The following DOT1L variants were observed in gnomAD, a reference collection of about 807,000 sequenced individuals.
The protein encoded by DOT1L is histone-lysine N-methyltransferase, H3 lysine-79 specific.
Under a neutral mutation model 153.3 loss-of-function variants are expected in DOT1L, and 33 were observed. The observed-to-expected ratio is 0.22, with a 90% CI of 0.16 to 0.29. The LOEUF (loss-of-function observed/expected upper bound fraction) is 0.29. DOT1L is among the 10% of genes least tolerant of loss of function. The probability of loss-of-function intolerance (pLI) is 1.00; values close to 1 mark genes in which losing one functional copy is unlikely to be tolerated. For synonymous variants in DOT1L, 1,135 were observed against 965.1 expected, an observed-to-expected ratio of 1.18 and a Z score of -3.26; for missense variants, 1,847 against 2,119.9, an observed-to-expected ratio of 0.87 and a Z score of 2.53.
At chr19:2,181,588 G>T (rs1445505724) in intron 2 of DOT1L, among the ~76,000 whole-genome samples, 2 of 150,596 alleles carry the variant, frequency 1.3e-5, no homozygotes, top group African/African-American at 4.9e-5. Context: ...GCCAGGGTGG[G>T]CCTGACCCAG....
At chr19:2,169,708 A>G (rs534066832) in intron 1 of DOT1L, among the ~76,000 whole-genome samples, 3 of 152,280 alleles carry the variant, frequency 2.0e-5, no homozygotes, top group Non-Finnish European at 2.9e-5. Context: ...ATCAGAGTGT[A>G]TATTTGGGGT....
At chr19:2,171,684 A>C (rs988860370) in intron 1 of DOT1L, among the ~76,000 whole-genome samples, 1 of 152,066 alleles carries the variant, frequency 6.6e-6, no homozygotes. Flanking sequence ...TTATTTCCTG[A>C]GTGCTTCCTG....
Position 2,217,971 on chromosome 19 carries a change from C to G in DOT1L, c.2691+53C>G, listed in dbSNP as rs78213793. The G allele has an allele frequency of 6.3e-7, 1 of 1,583,936 alleles. No homozygotes were observed. The highest frequency in any genetic ancestry group is 8.6e-7 in the Non-Finnish European group (1 of 1,166,838). ...AAGGGCCACGTTGAGGCAAAACAGT[C>G]TGGGGTGCTCGAGACCTGGCTCACT... is the stretch of plus-strand genomic sequence containing the variant. On this transcript the variant is annotated intron_variant, in intron 22 of 27. Transcript: ENST00000398665. The surrounding 1 kb of genome is among the most constrained non-coding windows in gnomAD (Gnocchi z 7.3).
rs1310597924 is a variant in DOT1L, at chr19:2,177,290, G to A, written c.82-3423G>A. On this transcript the variant is annotated intron_variant, in intron 1 of 27. Coordinates refer to ENST00000398665, the MANE Select transcript of DOT1L (RefSeq NM_032482.3). ...CGCCCCACACACGCAGTCAAATCAC[G>A]CAGGAACAATTTTTTTTTTTTGGGA... 5.9e-5 allele frequency among the ~76,000 whole-genome samples: 9 copies of A among 152,180 alleles called. No homozygotes were observed. In the East Asian group the frequency reaches 9.7e-4, roughly 16 times the overall value.
chr19:2,165,482 C>T (rs1285226701), intron 1 of DOT1L, among the ~76,000 whole-genome samples: 1 of 152,218 alleles, frequency 6.6e-6, no homozygotes, highest in Non-Finnish European at 1.5e-5. Context: ...TCTGGCTTCT[C>T]TGGTTGGGCA....
intron 1 of DOT1L, among the ~76,000 whole-genome samples, chr19:2,169,518 C>T (rs948963984): frequency 6.6e-5 from 10 of 152,136 alleles, no homozygotes; most frequent in African/African-American, 2.2e-4. Flanking sequence ...TTTTTTGAGA[C>T]GGACTCGCTC....
intron 27 of DOT1L, chr19:2,227,705 G>A: frequency 7.7e-7 from 1 of 1,300,148 alleles, no homozygotes; most frequent in Non-Finnish European, 1.0e-6. Context: ...GCTGCCGCTT[G>A]TTGAAGCTGC....
At chr19:2,228,343 G>A (rs755078714) in intron 27 of DOT1L, 4 of 1,323,322 alleles carry the variant, frequency 3.0e-6, no homozygotes, top group Non-Finnish European at 4.0e-6. Context: ...GTTAAGCCGC[G>A]ATAAAGACCT....
At chr19:2,164,403 C>A in intron 1 of DOT1L, 138 bp downstream of exon 1, 1 of 523,548 alleles carries the variant, frequency 1.9e-6, no homozygotes, top group South Asian at 9.6e-5. Flanking sequence ...GTCGCTGCTC[C>A]ACCCCCGTTG....
At position 2,208,530 on chromosome 19, in the gene DOT1L, G is replaced by A. The variant is rs1208572622; in HGVS notation, c.964-405G>A. On this transcript the variant is annotated intron_variant, in intron 11 of 27. Transcript: ENST00000398665. This position sits in a 1 kb window ranked among gnomAD's most constrained non-coding sequence, Gnocchi z 4.4. Reference sequence around the variant, plus strand: ...CTCTGGGGGCTTGGCCTACCGTGCGGCCCCCACCTCCACGCAGTGCTGCTG... The same window carrying A: ...CTCTGGGGGCTTGGCCTACCGTGCGACCCCCACCTCCACGCAGTGCTGCTG... 6.6e-6 allele frequency among the ~76,000 whole-genome samples: 1 copy of A among 152,168 alleles called. No homozygotes were observed. Among genetic ancestry groups the A allele is most frequent in the Non-Finnish European group, 1.5e-5 (1 of 68,020 alleles).
rs1021855069 is a variant in DOT1L, at chr19:2,193,211, C to T, written c.494-478C>T. Among the ~76,000 whole-genome samples, 7 of 152,348 alleles carry T rather than the reference C, an allele frequency of 4.6e-5. No homozygotes were observed. Among genetic ancestry groups the T allele is most frequent in the Middle Eastern group, 3.4e-3 (1 of 294 alleles). ...ACTGTCCTGGCTGCGGGGGACCCCT[C>T]ACTGCCTCTCCCACCCTACATTGAG... is the stretch of plus-strand genomic sequence containing the variant. On this transcript the variant is annotated intron_variant, in intron 5 of 27. Coordinates refer to ENST00000398665, the MANE Select transcript of DOT1L (RefSeq NM_032482.3). This position sits in a 1 kb window ranked among gnomAD's most constrained non-coding sequence, Gnocchi z 5.9.
At chr19:2,167,521 CCCTGGCTTGGCAGGGTGTGCTGGT>C (rs2019970698) in intron 1 of DOT1L, among the ~76,000 whole-genome samples, 1 of 152,226 alleles carries the variant, frequency 6.6e-6, no homozygotes. Context: ...CCTGGCCAGG[CCCTGGCTTGGCAGGGTGTGCTGGT>C]CCTGGCGCCG....
In DOT1L at chr19:2,206,735, G is replaced by A; in HGVS notation, c.794G>A (p.Arg265Lys). 1 of 1,613,934 alleles carries A rather than the reference G, an allele frequency of 6.2e-7. No homozygotes were observed. The highest frequency in any genetic ancestry group is 2.2e-5 in the East Asian group (1 of 44,870). Residue 265 changes from arginine to lysine, a missense_variant, in exon 10 of 28, where the codon AGA becomes AAA. This residue lies in a region of DOT1L where 148 missense variants were observed against 422.3 expected (regional missense o/e 0.35). Coordinates refer to ENST00000398665, the MANE Select transcript of DOT1L (RefSeq NM_032482.3). Reference protein sequence around the residue: ...ERFANMKEGGRIVSSKPFAPL... With the variant: ...ERFANMKEGGKIVSSKPFAPL... The stretch of plus-strand genomic sequence containing the variant: ...AGCAGTGTCTGTGTTTCAGGTGGCA[G>A]AATCGTGTCCTCGAAACCCTTTGCA...
intron 6 of DOT1L, 108 bp from the exon 7 acceptor site, chr19:2,194,407 A>G (rs983008115): frequency 1.4e-5 from 17 of 1,227,420 alleles, no homozygotes; most frequent in East Asian, 2.4e-5. Context: ...TCCTGACCTC[A>G]TGATCCGCCC....
At chr19:2,215,223 A>G (rs1204250114) in intron 19 of DOT1L, among the ~76,000 whole-genome samples, 1 of 152,162 alleles carries the variant, frequency 6.6e-6, no homozygotes, top group East Asian at 1.9e-4. Flanking sequence ...CTGAGATTGC[A>G]CCACTGCACT....
At chr19:2,199,610 G>T (rs1474697798) in intron 7 of DOT1L, among the ~76,000 whole-genome samples, 1 of 152,202 alleles carries the variant, frequency 6.6e-6, no homozygotes, top group Non-Finnish European at 1.5e-5. Context: ...TGTGGCCGCA[G>T]TCCCCTTGGC....
In DOT1L at chr19:2,193,541, C is replaced by G. The variant is rs1478074802; in HGVS notation, c.494-148C>G. 9.1e-6 allele frequency: 6 copies of G among 662,544 alleles called. No homozygotes were observed. 41.0% of individuals were successfully genotyped at this position (662,544 alleles called of 1,614,324 possible). ...GTCTCTGGGAAGGATCCTGAGTGACCTTGGAGCATCGGATATGTGTGGAGA... is the reference window on the plus strand; with the variant it reads ...GTCTCTGGGAAGGATCCTGAGTGACGTTGGAGCATCGGATATGTGTGGAGA... On this transcript the variant is annotated intron_variant, in intron 5 of 27. Coordinates refer to ENST00000398665, the MANE Select transcript of DOT1L (RefSeq NM_032482.3). The surrounding 1 kb of genome is among the most constrained non-coding windows in gnomAD (Gnocchi z 5.9).
chr19:2,200,011 G>T, intron 8 of DOT1L, 72 bp downstream of exon 8: 1 of 1,573,874 alleles, frequency 6.4e-7, no homozygotes, highest in Non-Finnish European at 8.7e-7. Flanking sequence ...ATGGCACCGG[G>T]GACCGGGAGC....
In DOT1L at chr19:2,193,571, G is replaced by A; in HGVS notation, c.494-118G>A. ...AGCATCGGATATGTGTGGAGACTGTGGCCTCCCCTGTGGGTCTTCATGGCC... is the reference window on the plus strand; with the variant it reads ...AGCATCGGATATGTGTGGAGACTGTAGCCTCCCCTGTGGGTCTTCATGGCC... On this transcript the variant is annotated intron_variant, in intron 5 of 27. Transcript: ENST00000398665. This position sits in a 1 kb window ranked among gnomAD's most constrained non-coding sequence, Gnocchi z 5.9. The A allele has an allele frequency of 1.2e-6, 1 of 856,206 alleles. No homozygotes were observed. Among genetic ancestry groups the A allele is most frequent in the Non-Finnish European group, 1.9e-6 (1 of 536,256 alleles). 53.0% of individuals were successfully genotyped at this position (856,206 alleles called of 1,614,324 possible). A position where few individuals can be genotyped will look rare whatever the true frequency, so the allele number is the denominator to read the frequency against.
Sources: gnomAD v4.1 joint callset for allele counts (sites outside exome capture counted in the v4.1 genomes callset) on GRCh38, gnomAD v4.1.1 for gene constraint, gnomAD v4.1.1 regional missense constraint, Gnocchi (gnomAD v3.1) non-coding constraint, MANE v1.5 for transcripts, NCBI Gene and HGNC (gene_info 2026-07-23, HGNC 2026-07-21) for gene names.